The following HEPACAM variants were observed in gnomAD, a reference collection of about 807,000 sequenced individuals.
HEPACAM encodes hepatocyte cell adhesion molecule.
A neutral mutation model predicts 38.3 loss-of-function variants in HEPACAM; 18 were observed. The observed-to-expected ratio is 0.47, with a 90% CI of 0.33 to 0.70. The LOEUF (loss-of-function observed/expected upper bound fraction) is 0.70. HEPACAM is among the 30% of genes least tolerant of loss of function. The pLI, the probability that HEPACAM is intolerant of heterozygous loss-of-function variation, is 0.03. For synonymous variants in HEPACAM, 216 were observed against 243.1 expected (o/e 0.89, Z 1.04); for missense variants, 466 against 563.0 (o/e 0.83, Z 1.74).
chr11:124,922,522 ACTCT>A, intron 5 of HEPACAM, 64 bp from the exon 6 acceptor site: 3 of 1,596,522 alleles, frequency 1.9e-6, no homozygotes, highest in Middle Eastern at 1.7e-4. Flanking sequence ...GCCGGCACCT[ACTCT>A]CTGTGCTTCC....
At chr11:124,923,302 G>T in intron 4 of HEPACAM, 38 bp downstream of exon 4, 1 of 1,310,416 alleles carries the variant, frequency 7.6e-7, no homozygotes, top group Non-Finnish European at 1.1e-6. Flanking sequence ...GTTTGGGATG[G>T]ATTGAAGGAC....
intron 1 of HEPACAM, among the ~76,000 whole-genome samples, chr11:124,931,415 C>T (rs1265538856): frequency 6.6e-6 from 1 of 152,172 alleles, no homozygotes; most frequent in African/African-American, 2.4e-5. Context: ...CTACATTGCC[C>T]AGGCTGGTCT....
At position 124,921,585 on chromosome 11, in the gene HEPACAM, G is replaced by A. The variant is rs146224690; in HGVS notation, c.949-145C>T. 4.0e-4 allele frequency: 183 copies of A among 453,882 alleles called. No individual in the cohort carries two copies. The highest frequency in any genetic ancestry group is 5.9e-4 in the Non-Finnish European group (165 of 278,436). 28.1% of individuals were successfully genotyped at this position (453,882 alleles called of 1,614,324 possible). ...TCCTGGAAGGCTGCAGACAGGTCTG[G>A]TTTTCCTGGCGATATTCCACACTGA... is the stretch of plus-strand genomic sequence containing the variant. On this transcript the variant is annotated intron_variant, in intron 6 of 6. Coordinates refer to ENST00000298251, the MANE Select transcript of HEPACAM (RefSeq NM_152722.5). This position sits in a 1 kb window ranked among gnomAD's most constrained non-coding sequence, Gnocchi z 4.6.
chr11:124,932,287 C>T (rs1487598834), intron 1 of HEPACAM, among the ~76,000 whole-genome samples: 1 of 152,056 alleles, frequency 6.6e-6, no homozygotes, highest in Non-Finnish European at 1.5e-5. Context: ...GAGCATGGAA[C>T]CCAGGTAAGA....
At position 124,920,501 on chromosome 11, in the gene HEPACAM, TA is replaced by T. The variant is rs1947113468; in HGVS notation, c.*636del. On this transcript the variant is annotated 3_prime_UTR_variant, in exon 7 of 7. Transcript: ENST00000298251. ...GTCAGAGGGAAAAGGAATGTACTCG[TA>T]CCCTTCCCTCACCACCTTGTAGGTC... The T allele has an allele frequency of 6.7e-7, 1 of 1,489,646 alleles. No homozygotes were observed. The allele number at this position is 1,489,646 out of a possible 1,614,324, so 92.3% of individuals were successfully genotyped here. A position where few individuals can be genotyped will look rare whatever the true frequency, so the allele number is the denominator to read the frequency against.
chr11:124,929,295 G>A (rs1030460586), intron 1 of HEPACAM, among the ~76,000 whole-genome samples: 7 of 152,232 alleles, frequency 4.6e-5, no homozygotes, highest in East Asian at 1.9e-4. Context: ...CCCTCATCAT[G>A]CCTATGAACA....
intron 6 of HEPACAM, 54 bp downstream of exon 6, chr11:124,922,334 C>T (rs893421009): frequency 4.7e-6 from 7 of 1,483,900 alleles, no homozygotes; most frequent in Non-Finnish European, 6.6e-6. Flanking sequence ...TAGCATCAGG[C>T]ATGTGGGAGG....
chr11:124,929,789 T>C (rs960449443), intron 1 of HEPACAM, among the ~76,000 whole-genome samples: 2 of 152,138 alleles, frequency 1.3e-5, no homozygotes, highest in Non-Finnish European at 2.9e-5. Flanking sequence ...GGTATAAGAA[T>C]GCACCTGCAG....
chr11:124,933,868 T>C (rs1326666784), intron 1 of HEPACAM, among the ~76,000 whole-genome samples: 1 of 152,220 alleles, frequency 6.6e-6, no homozygotes, highest in African/African-American at 2.4e-5. Flanking sequence ...AGGCTTCTAG[T>C]CCTTCTGTCT....
chr11:124,922,604 C>T (rs779410911), intron 5 of HEPACAM, 141 bp downstream of exon 5: 2 of 1,610,436 alleles, frequency 1.2e-6, no homozygotes, highest in Admixed American at 3.4e-5. Flanking sequence ...CCAAACCTTT[C>T]CCTCCTCTGC....
Position 124,921,814 on chromosome 11 carries a change from C to A in HEPACAM, c.949-374G>T, listed in dbSNP as rs1419150106. Among the ~76,000 whole-genome samples the A allele has an allele frequency of 6.6e-6, 1 of 152,174 alleles. No individual in the cohort carries two copies. Among genetic ancestry groups the A allele is most frequent in the Non-Finnish European group, 1.5e-5 (1 of 68,038 alleles). On this transcript the variant is annotated intron_variant, in intron 6 of 6. Coordinates refer to ENST00000298251, the MANE Select transcript of HEPACAM (RefSeq NM_152722.5). This position sits in a 1 kb window ranked among gnomAD's most constrained non-coding sequence, Gnocchi z 4.6. ...TCTGCCACTCATTGACTTGTTTAAT[C>A]CTGAGCAAGTCATTTAATCTCACAG...
chr11:124,933,562 C>T (rs1244537174), intron 1 of HEPACAM, among the ~76,000 whole-genome samples: 6 of 152,088 alleles, frequency 3.9e-5, no homozygotes, highest in Non-Finnish European at 7.4e-5. Context: ...TCTTACTGAC[C>T]GACGTGATCT....
Position 124,920,677 on chromosome 11 carries a change from G to GAAAAAA in HEPACAM, c.*460_*461insTTTTTT, listed in dbSNP as rs1565336612. 8.1e-4 allele frequency: 88 copies of GAAAAAA among 108,124 alleles called. 2 individuals are homozygous for GAAAAAA. The African/African-American group carries it at 0.013, about 16-fold the overall frequency. 6.7% of individuals were successfully genotyped at this position (108,124 alleles called of 1,614,324 possible). A position where few individuals can be genotyped will look rare whatever the true frequency, so the allele number is the denominator to read the frequency against. ...AAAGTGGCCTCTCTAATCTGAACTT[G>GAAAAAA]CAAAAAAAAAAAAAAAAAAAAAAAA... On this transcript the variant is annotated 3_prime_UTR_variant, in exon 7 of 7. Coordinates refer to ENST00000298251, the MANE Select transcript of HEPACAM (RefSeq NM_152722.5).
In HEPACAM at chr11:124,919,480, C is replaced by G. The variant is rs1230892007; in HGVS notation, c.*1658G>C. The G allele has an allele frequency of 1.8e-5, 9 of 505,672 alleles. No individual in the cohort carries two copies. The highest frequency in any genetic ancestry group is 1.1e-4 in the African/African-American group (6 of 52,418). 31.3% of individuals were successfully genotyped at this position (505,672 alleles called of 1,614,324 possible). ...CACCCTAACCTTCACCTGTGCATCT[C>G]AAGGCTGACCAGCAGGTACTCCTTA... On this transcript the variant is annotated 3_prime_UTR_variant, in exon 7 of 7. Coordinates refer to ENST00000298251, the MANE Select transcript of HEPACAM (RefSeq NM_152722.5).
rs1469466888 is a variant in HEPACAM at position 124,920,351 on chromosome 11, C to G, written c.*787G>C. 1 of 1,510,316 alleles carries G rather than the reference C, an allele frequency of 6.6e-7. No homozygotes were observed. Among genetic ancestry groups the G allele is most frequent in the Non-Finnish European group, 9.0e-7 (1 of 1,115,122 alleles). The allele number at this position is 1,510,316 out of a possible 1,614,324, so 93.6% of individuals were successfully genotyped here. On this transcript the variant is annotated 3_prime_UTR_variant, in exon 7 of 7. Coordinates refer to ENST00000298251, the MANE Select transcript of HEPACAM (RefSeq NM_152722.5). ...AAATTCACTTCTCTATAAGAATAAG[C>G]CCATCCATCTCTTTTATTCATGAAC...
Position 124,928,892 on chromosome 11 carries a change from T to C in HEPACAM, c.86-3823A>G, listed in dbSNP as rs539708270. Among the ~76,000 whole-genome samples the C allele has an allele frequency of 2.1e-3, 313 of 152,342 alleles. 3 individuals are homozygous for C. The highest frequency in any genetic ancestry group is 2.7e-3 in the Admixed American group (42 of 15,296). ...TTGGGCACATGTCATCAGGACCCCC[T>C]GAGGCTGTGTCACAGGTGTGCATCC... On this transcript the variant is annotated intron_variant, in intron 1 of 6. Transcript: ENST00000298251.
rs1285114601 is a variant in HEPACAM, at chr11:124,921,316, G to A, written c.1073C>T (p.Ala358Val). ...CGCTGGGGAGCGCGGGTAGCGGCGG[G>A]CAGAGCGGATGGGCAGCCCCGGCGA... ...GRSPGLPIRS[A>V]RRYPRSPARS... Residue 358 changes from alanine (A) to valine (V), a missense_variant, in exon 7 of 7, where the codon GCC becomes GTC. Transcript: ENST00000298251. This position sits in a 1 kb window ranked among gnomAD's most constrained non-coding sequence, Gnocchi z 4.6. 3.9e-6 allele frequency: 5 copies of A among 1,293,218 alleles called. No homozygotes were observed. Among genetic ancestry groups the A allele is most frequent in the African/African-American group, 3.1e-5 (2 of 64,742 alleles). 80.1% of individuals were successfully genotyped at this position (1,293,218 alleles called of 1,614,324 possible). A position where few individuals can be genotyped will look rare whatever the true frequency, so the allele number is the denominator to read the frequency against.
chr11:124,930,925 G>C (rs1360671849), intron 1 of HEPACAM, among the ~76,000 whole-genome samples: 2 of 152,126 alleles, frequency 1.3e-5, no homozygotes, highest in Non-Finnish European at 2.9e-5. Flanking sequence ...CTTGACTTGA[G>C]GGCAGACACA....
intron 1 of HEPACAM, among the ~76,000 whole-genome samples, chr11:124,929,258 G>A (rs1459827536): frequency 6.6e-6 from 1 of 152,182 alleles, no homozygotes; most frequent in Non-Finnish European, 1.5e-5. Context: ...CAGATTGCCT[G>A]AGGCCTTACC....
Sources: gnomAD v4.1 joint callset for allele counts (sites outside exome capture counted in the v4.1 genomes callset) on GRCh38, gnomAD v4.1.1 for gene constraint, Gnocchi (gnomAD v3.1) non-coding constraint, MANE v1.5 for transcripts, NCBI Gene and HGNC (gene_info 2026-07-23, HGNC 2026-07-21) for gene names.